EHMT1: variants seen among roughly 807,000 people sequenced by gnomAD.
EHMT1 encodes euchromatic histone lysine methyltransferase 1.
EHMT1 carries 15 observed loss-of-function variants against 147.2 expected under a neutral mutation model. The observed-to-expected ratio is 0.10, with a 90% CI of 0.07 to 0.16. The LOEUF (loss-of-function observed/expected upper bound fraction) is 0.16. Among genes scored for constraint, EHMT1 ranks in the 10% least tolerant of loss-of-function variants. EHMT1 has a pLI of 1.00. For missense variants in EHMT1, 1,587 were observed against 1,772.4 expected (o/e 0.90, Z 1.88); for synonymous variants, 795 against 709.6 (o/e 1.12, Z -1.91).
intron 1 of EHMT1, among the ~76,000 whole-genome samples, chr9:137,647,846 C>T (rs1211436214): frequency 6.6e-6 from 1 of 152,162 alleles, no homozygotes; most frequent in Non-Finnish European, 1.5e-5. Flanking sequence ...ATCCACCCGC[C>T]TCGGCCTCCC....
At chr9:137,728,272 C>A in intron 3 of EHMT1, 77 bp from the exon 4 acceptor site, 2 of 1,586,306 alleles carry the variant, frequency 1.3e-6, no homozygotes, top group Non-Finnish European at 1.7e-6. Context: ...GGGAGAAGAA[C>A]TGTGATTTTG....
chr9:137,668,309 C>A (rs1331364877), intron 1 of EHMT1, among the ~76,000 whole-genome samples: 1 of 151,902 alleles, frequency 6.6e-6, no homozygotes, highest in Non-Finnish European at 1.5e-5. Context: ...TCCTTCCTCT[C>A]CCTTCTATTC....
At position 137,834,936 on chromosome 9, in the gene EHMT1, G is replaced by A. The variant is rs745313387; in HGVS notation, c.3880G>A (p.Ala1294Thr). Reference protein sequence around the residue: ...DGLPDTSSAAAADPL With the variant: ...DGLPDTSSAATADPL ...CTTGCCCGACACCAGCTCCGCGGCTGCCGCCGACCCCCTATGAGACGCCGC... is the reference window on the plus strand; with the variant it reads ...CTTGCCCGACACCAGCTCCGCGGCTACCGCCGACCCCCTATGAGACGCCGC... Residue 1294 changes from alanine to threonine, a missense_variant, in exon 27 of 27, where the codon GCC (alanine) becomes ACC (threonine). Physicochemically the swap from Ala to Thr is moderately conservative, Grantham distance 58. This residue lies in a region of EHMT1 where 141 missense variants were observed against 150.8 expected (regional missense o/e 0.94). Transcript: ENST00000460843. 6.6e-7 allele frequency: 1 copy of A among 1,522,366 alleles called. No individual in the cohort carries two copies. The highest frequency in any genetic ancestry group is 1.2e-5 in the South Asian group (1 of 80,296). 94.3% of individuals were successfully genotyped at this position (1,522,366 alleles called of 1,614,324 possible).
chr9:137,743,918 G>A lies in EHMT1; in HGVS notation c.998G>A (p.Gly333Asp), dbSNP rs371587885. The change falls in exon 6 of 27, where the codon GGC becomes GAC. Residue 333 changes from glycine to aspartate, a missense_variant. Physicochemically the swap from Gly to Asp is moderately conservative, Grantham distance 94. This residue lies in a region of EHMT1 where 810 missense variants were observed against 673.0 expected (regional missense o/e 1.20). Transcript: ENST00000460843. ...GTGTTCTAGGGGGAGAAGGACCTGG[G>A]CGCCAGCAGCCTGCACGTGAATGGG... ...TVGSKGEKDLGASSLHVNGES... is the reference protein window; with the variant it reads ...TVGSKGEKDLDASSLHVNGES... 7 of 1,612,690 alleles carry A rather than the reference G, an allele frequency of 4.3e-6. No homozygotes were observed. The highest frequency in any genetic ancestry group is 1.7e-4 in the Middle Eastern group (1 of 5,912).
At chr9:137,648,004 C>T (rs1446492889) in intron 1 of EHMT1, among the ~76,000 whole-genome samples, 1 of 152,192 alleles carries the variant, frequency 6.6e-6, no homozygotes, top group South Asian at 2.1e-4. Context: ...CTTCCTTCCC[C>T]ATTTGTTTGT....
chr9:137,797,950 G>A (rs1032840721), intron 16 of EHMT1, among the ~76,000 whole-genome samples: 7 of 152,214 alleles, frequency 4.6e-5, no homozygotes, highest in African/African-American at 7.2e-5. Context: ...GGGCGGCACC[G>A]GCTCCCCTGC....
chr9:137,637,177 G>C (rs573797988), intron 1 of EHMT1, among the ~76,000 whole-genome samples: 1 of 150,686 alleles, frequency 6.6e-6, no homozygotes, highest in Admixed American at 6.6e-5. Context: ...GATTACAGGC[G>C]TGAGCCACCG....
chr9:137,723,858 G>A (rs1207096752), intron 3 of EHMT1, among the ~76,000 whole-genome samples: 2 of 152,196 alleles, frequency 1.3e-5, no homozygotes, highest in African/African-American at 2.4e-5. Flanking sequence ...TCACGATCCC[G>A]TGGCCAGAAC....
chr9:137,785,372 G>A lies in EHMT1; in HGVS notation c.2382+2975G>A, dbSNP rs145910676. The A allele has an allele frequency of 9.1e-4, 137 of 151,326 alleles. 1 individual carries two copies. The Middle Eastern group carries it at 0.02, about 23-fold the overall frequency. 9.4% of individuals were successfully genotyped at this position (151,326 alleles called of 1,614,324 possible). ...AAGGCCATGAATGTGGGTGCGCTGA[G>A]CCCGTGAGGGTGGGGTGCGCTGAGC... On this transcript the variant is annotated intron_variant, in intron 15 of 26. Coordinates refer to ENST00000460843, the MANE Select transcript of EHMT1 (RefSeq NM_024757.5).
chr9:137,739,376 G>GA (rs905066743), intron 4 of EHMT1, among the ~76,000 whole-genome samples: 1 of 150,764 alleles, frequency 6.6e-6, no homozygotes, highest in Non-Finnish European at 1.5e-5. Flanking sequence ...AAAAAAGAAA[G>GA]AAAAAGTAAA....
chr9:137,775,882 G>GGT lies in EHMT1; in HGVS notation c.1791+647_1791+648dup, dbSNP rs10627906. On this transcript the variant is annotated intron_variant, in intron 11 of 26. Coordinates refer to ENST00000460843, the MANE Select transcript of EHMT1 (RefSeq NM_024757.5). The surrounding 1 kb of genome is among the most constrained non-coding windows in gnomAD (Gnocchi z 6.1). ...TGTGTGGGCATCCTCGTGCATGTAG[G>GGT]GTGTGTGTGTGTGTGTGTCTGTGCG... Among the ~76,000 whole-genome samples the GGT allele has an allele frequency of 0.071, 10,594 of 150,058 alleles. 1,217 individuals carry two copies. Among genetic ancestry groups the GGT allele is most frequent in the African/African-American group, 0.24 (9,889 of 40,834 alleles).
At chr9:137,796,817 A>C (rs1402029788) in intron 16 of EHMT1, among the ~76,000 whole-genome samples, 1 of 148,842 alleles carries the variant, frequency 6.7e-6, no homozygotes, top group Non-Finnish European at 1.5e-5. Flanking sequence ...ATGAAAACAC[A>C]GGACTGAGGG....
chr9:137,737,854 CA>C (rs537049166), intron 4 of EHMT1, among the ~76,000 whole-genome samples: 13 of 151,932 alleles, frequency 8.6e-5, no homozygotes, highest in South Asian at 6.2e-4. Context: ...CCAAAATATA[CA>C]AAAAAAATCC....
At chr9:137,661,590 A>G (rs1170613035) in intron 1 of EHMT1, among the ~76,000 whole-genome samples, 1 of 151,224 alleles carries the variant, frequency 6.6e-6, no homozygotes, top group Non-Finnish European at 1.5e-5. Flanking sequence ...AGTTCCAGCA[A>G]TTCTCCTGCC....
intron 15 of EHMT1, among the ~76,000 whole-genome samples, chr9:137,783,640 G>A (rs1450434646): frequency 6.6e-6 from 1 of 152,230 alleles, no homozygotes; most frequent in African/African-American, 2.4e-5. Context: ...GTGATCTGCA[G>A]GCCTGGCTGT....
At chr9:137,645,776 T>G (rs1589102888) in intron 1 of EHMT1, among the ~76,000 whole-genome samples, 1 of 152,054 alleles carries the variant, frequency 6.6e-6, no homozygotes, top group Non-Finnish European at 1.5e-5. Context: ...CACGTGGGCC[T>G]CAGACCCTTG....
At chr9:137,745,200 C>T (rs1948442639) in intron 6 of EHMT1, among the ~76,000 whole-genome samples, 1 of 152,184 alleles carries the variant, frequency 6.6e-6, no homozygotes, top group Admixed American at 6.5e-5. Flanking sequence ...CCCTTTCAGT[C>T]AGCTTTGTGT....
In EHMT1 at chr9:137,787,499, C is replaced by T. The variant is rs1271050170; in HGVS notation, c.2383-3349C>T. 2.6e-5 allele frequency among the ~76,000 whole-genome samples: 4 copies of T among 152,224 alleles called. No individual in the cohort carries two copies. Among genetic ancestry groups the T allele is most frequent in the Non-Finnish European group, 5.9e-5 (4 of 68,048 alleles). ...ACCAGGGCCAGGGCCGTGCCCAGCT[C>T]GGCCACGGCCACACGTGGGGTAGTT... On this transcript the variant is annotated intron_variant, in intron 15 of 26. Coordinates refer to ENST00000460843, the MANE Select transcript of EHMT1 (RefSeq NM_024757.5). This position sits in a 1 kb window ranked among gnomAD's most constrained non-coding sequence, Gnocchi z 4.2.
At position 137,823,023 on chromosome 9, in the gene EHMT1, T is replaced by C. The variant is rs148322142; in HGVS notation, c.3540+4885T>C. 9.5e-3 allele frequency among the ~76,000 whole-genome samples: 1,434 copies of C among 150,476 alleles called. 33 individuals are homozygous for C. Among genetic ancestry groups the C allele is most frequent in the African/African-American group, 0.033 (1,333 of 41,014 alleles). ...TCGGCTCACTGCAACGTCTGCCTCC[T>C]GGGTTCAAGCGAGTCTCCTGCTTCA... On this transcript the variant is annotated intron_variant, in intron 25 of 26. Coordinates refer to ENST00000460843, the MANE Select transcript of EHMT1 (RefSeq NM_024757.5).
Sources: allele counts gnomAD v4.1 joint callset (sites outside exome capture counted in the v4.1 genomes callset), GRCh38; gene constraint gnomAD v4.1.1; regional missense constraint gnomAD v4.1.1; non-coding constraint Gnocchi (gnomAD v3.1); transcripts MANE v1.5; gene names NCBI Gene and HGNC (gene_info 2026-07-23, HGNC 2026-07-21).